ZNF248: variants seen among roughly 807,000 people sequenced by gnomAD.
The protein encoded by ZNF248 is zinc finger protein 248.
Under a neutral mutation model 44.3 loss-of-function variants are expected in ZNF248, and 20 were observed. The observed-to-expected ratio is 0.45, with a 90% confidence interval of 0.32 to 0.66. The LOEUF is 0.66. Among genes scored for constraint, ZNF248 ranks in the 30% least tolerant of loss-of-function variants. The probability of loss-of-function intolerance (pLI) is 0.04; values close to 1 mark genes in which losing one functional copy is unlikely to be tolerated. For missense variants in ZNF248, 654 were observed against 677.0 expected (o/e 0.97, Z 0.38); for synonymous variants, 224 against 229.0 (o/e 0.98, Z 0.20).
downstream of ZNF248, among the ~76,000 whole-genome samples, chr10:37,825,855 T>C (rs1466002249): frequency 2.0e-5 from 3 of 150,758 alleles, no homozygotes; most frequent in African/African-American, 7.3e-5. Flanking sequence ...CTCTGAGAAA[T>C]TAATTTGAAG....
chr10:37,766,082 GC>G, the ZNF248 span, among the ~76,000 whole-genome samples: 2 of 152,380 alleles, frequency 1.3e-5, no homozygotes, highest in East Asian at 3.9e-4. Flanking sequence ...AATTGCCCAG[GC>G]TTGATTAGGT....
Position 37,831,797 on chromosome 10 carries a change from A to C in ZNF248, c.1558T>G (p.Tyr520Asp). 1 of 1,613,152 alleles carries C rather than the reference A, an allele frequency of 6.2e-7. No homozygotes were observed. The highest frequency in any genetic ancestry group is 8.5e-7 in the Non-Finnish European group (1 of 1,179,334). Residue 520 changes from tyrosine to aspartate, a missense_variant, in exon 6 of 6, where the codon TAT (tyrosine) becomes GAT (aspartate). Coordinates refer to ENST00000395867, the MANE Select transcript of ZNF248 (RefSeq NM_021045.3). The part of the protein sequence containing the change: ...HQRTHTGEKP[Y>D]KCNECGKTFC... ...GTTTTCCCACATTCATTACACTTAT[A>C]TGGTTTCTCCCCAGTGTGAGTTCTT...
At chr10:37,846,693 G>T (rs560982269) in intron 3 of ZNF248, among the ~76,000 whole-genome samples, 1 of 152,060 alleles carries the variant, frequency 6.6e-6, no homozygotes, top group African/African-American at 2.4e-5. Flanking sequence ...ATGTTATGTG[G>T]CCCTGATGGA....
chr10:37,828,437 A>G (rs560636155), downstream of ZNF248, among the ~76,000 whole-genome samples: 8 of 152,304 alleles, frequency 5.3e-5, no homozygotes, highest in Non-Finnish European at 1.0e-4. Flanking sequence ...CTTTCTCAAT[A>G]TGACTGCTGG....
At chr10:37,848,871 A>C (rs1424286181) in intron 3 of ZNF248, among the ~76,000 whole-genome samples, 1 of 152,222 alleles carries the variant, frequency 6.6e-6, no homozygotes, top group Non-Finnish European at 1.5e-5. Context: ...GAGTGAATTC[A>C]CATTAGCTAC....
intron 6 of ZNF248, among the ~76,000 whole-genome samples, chr10:37,821,195 A>G (rs1148278): frequency 0.06 from 9,111 of 152,224 alleles, 355 homozygotes; most frequent in Middle Eastern, 0.095. Flanking sequence ...TCATCTAGAA[A>G]TAACTCCTAA....
chr10:37,837,244 GC>G (rs1226475145), intron 5 of ZNF248, among the ~76,000 whole-genome samples: 1 of 152,048 alleles, frequency 6.6e-6, no homozygotes, highest in Non-Finnish European at 1.5e-5. Flanking sequence ...CTCCCAAGCA[GC>G]TGGGACTACA....
intron 6 of ZNF248, among the ~76,000 whole-genome samples, chr10:37,815,177 C>T (rs575868863): frequency 1.6e-4 from 24 of 152,190 alleles, no homozygotes; most frequent in African/African-American, 5.8e-4. Context: ...AGCGATTCTC[C>T]TGCCTCAGCC....
chr10:37,820,218 TGG>T lies in ZNF248; in HGVS notation c.330+12805_330+12806del, dbSNP rs930709664. On this transcript the variant is annotated intron_variant, in intron 6 of 6. Coordinates refer to the ZNF248 transcript ENST00000615949. ...TATTTTTTATATTGTGAGGTCGGAC[TGG>T]GTCTGTCTGTGCCAGATGGAGATCT... 27 of 1,322,610 alleles carry T rather than the reference TGG, an allele frequency of 2.0e-5. No individual in the cohort carries two copies. In the African/African-American group the frequency reaches 3.5e-4, roughly 17 times the overall value. The allele number at this position is 1,322,610 out of a possible 1,614,324, so 81.9% of individuals were successfully genotyped here.
chr10:37,834,702 A>C (rs1035799437), intron 5 of ZNF248, among the ~76,000 whole-genome samples: 1 of 152,218 alleles, frequency 6.6e-6, no homozygotes, highest in African/African-American at 2.4e-5. Context: ...TTTCAGCAAA[A>C]AATCAAGTTC....
chr10:37,812,530 G>T (rs570645894), intron 6 of ZNF248, among the ~76,000 whole-genome samples: 1 of 152,176 alleles, frequency 6.6e-6, no homozygotes, highest in African/African-American at 2.4e-5. Flanking sequence ...CAATACAAAG[G>T]CCTGGACAGT....
At chr10:37,762,245 G>T in the ZNF248 span, among the ~76,000 whole-genome samples, 1 of 152,190 alleles carries the variant, frequency 6.6e-6, no homozygotes, top group Non-Finnish European at 1.5e-5. Flanking sequence ...AAGGAATAAT[G>T]TTCCTCATAA....
At chr10:37,791,793 A>T (rs1333563834) in intron 6 of ZNF248, 6 of 152,248 alleles carry the variant, frequency 3.9e-5, no homozygotes, top group Admixed American at 2.6e-4. Context: ...AGCTCTCTCA[A>T]GCAGTCTCTA....
intron 3 of ZNF248, among the ~76,000 whole-genome samples, chr10:37,842,848 G>T (rs528864536): frequency 6.6e-6 from 1 of 152,134 alleles, no homozygotes; most frequent in Admixed American, 6.5e-5. Flanking sequence ...GAGAAAATTA[G>T]AAATCCAGAA....
At position 37,829,926 on chromosome 10, in the gene ZNF248, G is replaced by A; in HGVS notation, c.*1689C>T. 1 of 985,398 alleles carries A rather than the reference G, an allele frequency of 1.0e-6. No homozygotes were observed. The highest frequency in any genetic ancestry group is 1.2e-6 in the Non-Finnish European group (1 of 829,934). The allele number at this position is 985,398 out of a possible 1,614,324, so 61.0% of individuals were successfully genotyped here. Reference sequence around the variant, plus strand: ...CACCTAAGTCATCTGGGAGAAGGATGCACAAAAATATAAAATTTAGCTCAG... The same window carrying A: ...CACCTAAGTCATCTGGGAGAAGGATACACAAAAATATAAAATTTAGCTCAG... On this transcript the variant is annotated 3_prime_UTR_variant, in exon 6 of 6. Transcript: ENST00000395867.
At chr10:37,798,846 T>C (rs975968262) in intron 6 of ZNF248, among the ~76,000 whole-genome samples, 2 of 152,166 alleles carry the variant, frequency 1.3e-5, no homozygotes, top group Non-Finnish European at 2.9e-5. Flanking sequence ...TTGTGTATGA[T>C]TTATATTGTT....
downstream of ZNF248, among the ~76,000 whole-genome samples, chr10:37,824,016 G>GTA (rs2053940408): frequency 6.6e-6 from 1 of 152,120 alleles, no homozygotes; most frequent in African/African-American, 2.4e-5. Context: ...CCAATAAGAT[G>GTA]TATATATAGA....
At position 37,832,682 on chromosome 10, in the gene ZNF248, C is replaced by A. The variant is rs373486234; in HGVS notation, c.673G>T (p.Asp225Tyr). The change falls in exon 6 of 6, where the codon GAT becomes TAT. Residue 225 changes from aspartate (D) to tyrosine (Y), a missense_variant. Transcript: ENST00000395867. The stretch of plus-strand genomic sequence containing the variant: ...TTATTTGTAAAAAATGCTGCCTCAT[C>A]ATGGAAGCCTTGTCCATTTTTACTA... ...EYSKNGQGFH[D>Y]EAAFFTNKRS... 1.9e-6 allele frequency: 3 copies of A among 1,613,480 alleles called. No homozygotes were observed. The highest frequency in any genetic ancestry group is 1.7e-6 in the Non-Finnish European group (2 of 1,179,882).
chr10:37,812,842 A>G (rs2051744401), intron 6 of ZNF248, among the ~76,000 whole-genome samples: 1 of 152,210 alleles, frequency 6.6e-6, no homozygotes, highest in Non-Finnish European at 1.5e-5. Context: ...AAAGACTGGA[A>G]GGATGACACC....
Sources: allele counts gnomAD v4.1 joint callset (sites outside exome capture counted in the v4.1 genomes callset), GRCh38; gene constraint gnomAD v4.1.1; transcripts MANE v1.5; gene names NCBI Gene and HGNC (gene_info 2026-07-23, HGNC 2026-07-21).